Variants in QKI observed in about 807,000 individuals in gnomAD.
QKI encodes the protein KH domain-containing RNA-binding protein QKI.
In QKI, 10 loss-of-function variants were observed where a neutral mutation model predicts 39.0. That is an observed-to-expected ratio of 0.26 (90% confidence interval 0.16 to 0.43). The LOEUF (loss-of-function observed/expected upper bound fraction) is 0.43, where lower values mean the gene tolerates loss of function less well. Ranked by LOEUF, QKI falls within the 20% of genes least tolerant of loss-of-function variation. The pLI is 1.00. For missense variants in QKI, 218 were observed against 428.0 expected, an observed-to-expected ratio of 0.51 and a Z score of 4.33; for synonymous variants, 204 against 155.4, an observed-to-expected ratio of 1.31 and a Z score of -2.33.
In QKI at chr6:163,440,107, A is replaced by G. The variant is rs113819638; in HGVS notation, c.143-15172A>G. Among the ~76,000 whole-genome samples the G allele has an allele frequency of 2.3e-3, 343 of 151,658 alleles. 1 individual carries two copies. Among genetic ancestry groups the G allele is most frequent in the Middle Eastern group, 6.8e-3 (2 of 294 alleles). On this transcript the variant is annotated intron_variant, in intron 1 of 7. Transcript: ENST00000361752. ...TCTCTACTTTTTTGTTCTTTACTTTATTCATAGTTCTAATTTCTACTCACT... is the reference window on the plus strand; with the variant it reads ...TCTCTACTTTTTTGTTCTTTACTTTGTTCATAGTTCTAATTTCTACTCACT...
chr6:163,534,368 TAAAAC>T (rs764066114), intron 3 of QKI, among the ~76,000 whole-genome samples: 1 of 152,220 alleles, frequency 6.6e-6, no homozygotes, highest in South Asian at 2.1e-4. Flanking sequence ...ATGAAATACT[TAAAAC>T]AAGTGGTAGT....
intron 1 of QKI, among the ~76,000 whole-genome samples, chr6:163,445,893 C>T (rs1246730912): frequency 1.3e-5 from 2 of 152,146 alleles, no homozygotes; most frequent in Non-Finnish European, 1.5e-5. Context: ...GGATTACAGG[C>T]GTGAGCCATC....
chr6:163,456,502 A>G (rs1790927852), intron 2 of QKI, among the ~76,000 whole-genome samples: 1 of 152,234 alleles, frequency 6.6e-6, no homozygotes, highest in Admixed American at 6.5e-5. Flanking sequence ...TTATTATAAT[A>G]TCAAAAATAT....
intron 4 of QKI, among the ~76,000 whole-genome samples, chr6:163,538,099 C>T (rs1781310853): frequency 6.6e-6 from 1 of 152,178 alleles, no homozygotes; most frequent in Non-Finnish European, 1.5e-5. Context: ...AAGCTTCAGT[C>T]TTCTCACCTC....
At chr6:163,458,498 A>G (rs1319270747) in intron 2 of QKI, among the ~76,000 whole-genome samples, 1 of 152,230 alleles carries the variant, frequency 6.6e-6, no homozygotes, top group Admixed American at 6.5e-5. Flanking sequence ...TATGAAACTC[A>G]TTCTTTCAAA....
chr6:163,415,922 G>A (rs1356817555), intron 1 of QKI: 1 of 513,286 alleles, frequency 1.9e-6, no homozygotes, highest in Non-Finnish European at 3.9e-6. Context: ...TTAGTTTAAA[G>A]AAATTCCGTA....
At chr6:163,557,463 G>A (rs889450550) in intron 4 of QKI, among the ~76,000 whole-genome samples, 3 of 152,136 alleles carry the variant, frequency 2.0e-5, no homozygotes, top group African/African-American at 7.2e-5. Flanking sequence ...TCACTTTTTT[G>A]TGGGAGCTAA....
intron 1 of QKI, among the ~76,000 whole-genome samples, chr6:163,424,499 T>C (rs1788256646): frequency 6.6e-6 from 1 of 152,202 alleles, no homozygotes; most frequent in Admixed American, 6.5e-5. Flanking sequence ...AGATAACTAA[T>C]GTCTCTGAAC....
At chr6:163,531,857 G>C (rs902634607) in intron 3 of QKI, among the ~76,000 whole-genome samples, 1 of 152,180 alleles carries the variant, frequency 6.6e-6, no homozygotes, top group Non-Finnish European at 1.5e-5. Flanking sequence ...TTTGGTGGGA[G>C]TGTAAGTACA....
intron 4 of QKI, among the ~76,000 whole-genome samples, chr6:163,539,334 G>A (rs1781379256): frequency 6.6e-6 from 1 of 152,090 alleles, no homozygotes; most frequent in Non-Finnish European, 1.5e-5. Context: ...GGAACAGTGG[G>A]GTTAAAAGTG....
intron 3 of QKI, among the ~76,000 whole-genome samples, chr6:163,494,193 T>C (rs561865843): frequency 6.0e-4 from 92 of 152,272 alleles, no homozygotes; most frequent in African/African-American, 2.2e-3. Context: ...ATAAAAAATA[T>C]GGTACAATGA....
intron 2 of QKI, among the ~76,000 whole-genome samples, chr6:163,474,932 GAT>G (rs139509821): frequency 1.3e-5 from 2 of 151,634 alleles, no homozygotes; most frequent in East Asian, 3.9e-4. Context: ...TATTGAGAGA[GAT>G]GAGAGATAAC....
rs1309906867 is a variant in QKI at position 163,575,027 on chromosome 6, G to A, written c.*4317G>A. 1 of 152,180 alleles carries A rather than the reference G, an allele frequency of 6.6e-6. No homozygotes were observed. Among genetic ancestry groups the A allele is most frequent in the African/African-American group, 2.4e-5 (1 of 41,442 alleles). 9.4% of individuals were successfully genotyped at this position (152,180 alleles called of 1,614,324 possible). ...GATAACAGCGAATCACCATTGAGAT[G>A]GTCATTTGGATCATGTAAACAAACC... is the stretch of plus-strand genomic sequence containing the variant. On this transcript the variant is annotated 3_prime_UTR_variant, in exon 8 of 8. Transcript: ENST00000361752.
chr6:163,554,696 A>G (rs1782474410), intron 4 of QKI, among the ~76,000 whole-genome samples: 1 of 152,248 alleles, frequency 6.6e-6, no homozygotes, highest in African/African-American at 2.4e-5. Flanking sequence ...TCAAGAACCT[A>G]AACAACATTG....
chr6:163,500,164 T>C (rs1778670423), intron 3 of QKI, among the ~76,000 whole-genome samples: 5 of 152,224 alleles, frequency 3.3e-5, no homozygotes. Flanking sequence ...CCTGTTCATA[T>C]GCTTCTCTAT....
chr6:163,553,583 A>G (rs1396413988), intron 4 of QKI, among the ~76,000 whole-genome samples: 4 of 152,076 alleles, frequency 2.6e-5, no homozygotes, highest in Non-Finnish European at 4.4e-5. Context: ...TAATGCTAGT[A>G]TGTAGCCGGA....
chr6:163,552,168 A>G (rs1328231815), intron 4 of QKI, among the ~76,000 whole-genome samples: 1 of 147,940 alleles, frequency 6.8e-6, no homozygotes. Context: ...TATATTTGCT[A>G]TTGAAGCAGA....
chr6:163,527,084 A>G (rs1047043935), intron 3 of QKI, among the ~76,000 whole-genome samples: 5 of 152,174 alleles, frequency 3.3e-5, no homozygotes, highest in African/African-American at 9.6e-5. Context: ...TGCCTGCTGA[A>G]TGACTTCCTA....
chr6:163,547,668 G>C (rs900921808), intron 4 of QKI, among the ~76,000 whole-genome samples: 1 of 152,054 alleles, frequency 6.6e-6, no homozygotes, highest in African/African-American at 2.4e-5. Context: ...TTGTTGCCTA[G>C]GACTCATCCA....
Sources: allele counts gnomAD v4.1 joint callset (sites outside exome capture counted in the v4.1 genomes callset), GRCh38; gene constraint gnomAD v4.1.1; transcripts MANE v1.5; gene names NCBI Gene and HGNC (gene_info 2026-07-23, HGNC 2026-07-21).